ZMYM1: variants seen among roughly 807,000 people sequenced by gnomAD.
ZMYM1 encodes the protein zinc finger MYM-type containing 1, also known as zinc finger MYM-type protein 1.
Under a neutral mutation model 60.0 loss-of-function variants are expected in ZMYM1, and 39 were observed. The ratio of observed to expected loss-of-function variants is 0.65; its 90% CI spans 0.50 to 0.85. The LOEUF (loss-of-function observed/expected upper bound fraction) is 0.85, where lower values mean the gene tolerates loss of function less well. ZMYM1 is among the 40% of genes least tolerant of loss of function. The probability of loss-of-function intolerance (pLI) is 0.00; values close to 1 mark genes in which losing one functional copy is unlikely to be tolerated. For missense variants in ZMYM1, 1,171 were observed against 1,309.5 expected (o/e 0.89, Z 1.63); for synonymous variants, 413 against 454.0 (o/e 0.91, Z 1.15).
At chr1:35,118,645 T>G (rs1441243299), downstream of ZMYM1, among the ~76,000 whole-genome samples, 1 of 151,954 alleles carries the variant, frequency 6.6e-6, no homozygotes, top group Admixed American at 6.6e-5. Context: ...AGGCGGAGCT[T>G]GCAGTGAGCC....
chr1:35,101,771 G>C (rs915753512), intron 4 of ZMYM1, among the ~76,000 whole-genome samples: 1 of 150,956 alleles, frequency 6.6e-6, no homozygotes, highest in African/African-American at 2.4e-5. Flanking sequence ...GGCTAGTCTC[G>C]AACTCCTGAC....
rs775765175 is a variant in ZMYM1 at position 35,114,726 on chromosome 1, A to G, written c.2896A>G (p.Asn966Asp). 5 of 1,572,134 alleles carry G rather than the reference A, an allele frequency of 3.2e-6. No homozygotes were observed. In the African/African-American group the frequency reaches 4.1e-5, roughly 13 times the overall value. ...TTCAACAGAAGAACAATATAAAATT[A>G]ATATCTATTACCAAGGATTAGATAC... The part of the protein sequence containing the change: ...PTSTEEQYKI[N>D]IYYQGLDTIL... The change falls in exon 10 of 10, where the codon AAT becomes GAT. Residue 966 changes from asparagine to aspartate, a missense_variant. Physicochemically the swap from Asn to Asp is conservative, Grantham distance 23. Coordinates refer to ENST00000359858, the MANE Select transcript of ZMYM1 (RefSeq NM_024772.5).
intron 7 of ZMYM1, among the ~76,000 whole-genome samples, chr1:35,110,749 G>T (rs1644060741): frequency 6.6e-6 from 1 of 151,952 alleles, no homozygotes; most frequent in African/African-American, 2.4e-5. Flanking sequence ...TGGGCAACAT[G>T]TTGAAACCCC....
At chr1:35,085,398 G>A (rs1013794031) in intron 1 of ZMYM1, among the ~76,000 whole-genome samples, 15 of 152,176 alleles carry the variant, frequency 9.9e-5, no homozygotes, top group African/African-American at 3.6e-4. Flanking sequence ...AGCTCAGTTG[G>A]TTTCCAAACT....
intron 4 of ZMYM1, among the ~76,000 whole-genome samples, chr1:35,102,192 C>T (rs893971668): frequency 6.6e-6 from 1 of 150,950 alleles, no homozygotes; most frequent in Admixed American, 6.6e-5. Context: ...CCTTTTAGAT[C>T]GTTGTGGGTG....
At chr1:35,071,983 T>C (rs963669648) in intron 1 of ZMYM1, among the ~76,000 whole-genome samples, 1 of 151,992 alleles carries the variant, frequency 6.6e-6, no homozygotes, top group Non-Finnish European at 1.5e-5. Flanking sequence ...ACTAAAACTA[T>C]CAAATAAGCC....
chr1:35,112,008 A>G, intron 8 of ZMYM1, 79 bp from the exon 9 acceptor site: 1 of 1,551,368 alleles, frequency 6.4e-7, no homozygotes, highest in South Asian at 1.2e-5. Flanking sequence ...TTCTTATATG[A>G]AATAAGCAAA....
chr1:35,085,863 A>G (rs1642625994), intron 1 of ZMYM1, among the ~76,000 whole-genome samples: 1 of 152,220 alleles, frequency 6.6e-6, no homozygotes, highest in Non-Finnish European at 1.5e-5. Flanking sequence ...GTCCTTGCTA[A>G]GAGTATGAAT....
chr1:35,116,988 C>T (rs1383413600), downstream of ZMYM1, among the ~76,000 whole-genome samples: 11 of 150,278 alleles, frequency 7.3e-5, no homozygotes, highest in East Asian at 2.0e-4. Context: ...GGACTACAGG[C>T]GCCCGCCACT....
At chr1:35,102,546 A>G (rs577547196) in intron 4 of ZMYM1, among the ~76,000 whole-genome samples, 2 of 152,326 alleles carry the variant, frequency 1.3e-5, no homozygotes, top group African/African-American at 4.8e-5. Context: ...CCAAAATTCT[A>G]ATTATCACTT....
At chr1:35,106,275 A>AT (rs929396499) in intron 6 of ZMYM1, among the ~76,000 whole-genome samples, 1 of 152,056 alleles carries the variant, frequency 6.6e-6, no homozygotes, top group African/African-American at 2.4e-5. Flanking sequence ...TTCATATCAT[A>AT]TTTTGAGACC....
chr1:35,100,524 A>AG (rs1403146136), intron 4 of ZMYM1, among the ~76,000 whole-genome samples: 1 of 151,680 alleles, frequency 6.6e-6, no homozygotes, highest in Admixed American at 6.6e-5. Flanking sequence ...CCAGTGACTG[A>AG]GGCAGGAGAA....
Position 35,095,827 on chromosome 1 carries a change from T to A in ZMYM1, c.105T>A (p.Cys35Ter). ...KTEPDNAQEY[C>*]HRQQSRTQEN... Reference sequence around the variant, plus strand: ...TTTTTTTTTCTTTTTAGGAGTATTGTCATAGGCAACAGTCCAGAACTCAGG... The same window carrying A: ...TTTTTTTTTCTTTTTAGGAGTATTGACATAGGCAACAGTCCAGAACTCAGG... The change falls in exon 3 of 10, where the codon TGT (cysteine) becomes TGA (stop). Residue 35 changes from cysteine to a stop codon, truncating the protein, a stop_gained. Transcript: ENST00000359858. LOFTEE classifies it high-confidence loss of function. The A allele has an allele frequency of 1.2e-6, 2 of 1,600,910 alleles. No homozygotes were observed. The highest frequency in any genetic ancestry group is 1.7e-6 in the Non-Finnish European group (2 of 1,174,080).
intron 1 of ZMYM1, among the ~76,000 whole-genome samples, chr1:35,092,111 A>T (rs979760467): frequency 6.6e-6 from 1 of 152,022 alleles, no homozygotes; most frequent in African/African-American, 2.4e-5. Flanking sequence ...TTTTTAGTAG[A>T]GACAGGGTTT....
rs61736097 is a variant in ZMYM1, at chr1:35,114,805, A to G, written c.2975A>G (p.Lys992Arg). The G allele has an allele frequency of 3.1e-3, 5,058 of 1,606,556 alleles. 128 individuals carry two copies. The African/African-American group carries it at 0.056, about 18-fold the overall frequency. ...TCGGAGTTTGATTATTGCAAAATAAAGCAAATTTCAGAACTGTTATTTAAA... is the reference window on the plus strand; with the variant it reads ...TCGGAGTTTGATTATTGCAAAATAAGGCAAATTTCAGAACTGTTATTTAAA... ...CFSEFDYCKIKQISELLFKWN... is the reference protein window; with the variant it reads ...CFSEFDYCKIRQISELLFKWN... Residue 992 changes from lysine to arginine, a missense_variant, in exon 10 of 10, where the codon AAG becomes AGG. Coordinates refer to ENST00000359858, the MANE Select transcript of ZMYM1 (RefSeq NM_024772.5).
rs139252805 is a variant in ZMYM1 at position 35,115,785 on chromosome 1, T to C, written c.*526T>C. 6.6e-6 allele frequency: 1 copy of C among 152,498 alleles called. No homozygotes were observed. Among genetic ancestry groups the C allele is most frequent in the East Asian group, 1.9e-4 (1 of 5,192 alleles). The allele number at this position is 152,498 out of a possible 1,614,324, so 9.4% of individuals were successfully genotyped here. A position where few individuals can be genotyped will look rare whatever the true frequency, so the allele number is the denominator to read the frequency against. On this transcript the variant is annotated 3_prime_UTR_variant, in exon 10 of 10. Transcript: ENST00000359858. ...ATAGATATTGGCAAGTTGCCATCTATAAGGATTGTGCCAGTTTACAGTCCC... is the reference window on the plus strand; with the variant it reads ...ATAGATATTGGCAAGTTGCCATCTACAAGGATTGTGCCAGTTTACAGTCCC...
At chr1:35,100,192 G>A (rs1643568294) in intron 4 of ZMYM1, among the ~76,000 whole-genome samples, 2 of 152,040 alleles carry the variant, frequency 1.3e-5, no homozygotes. Context: ...CGCCCTGCCT[G>A]ATTTTTAGTT....
chr1:35,074,309 A>C (rs1642127374), intron 1 of ZMYM1, among the ~76,000 whole-genome samples: 1 of 152,192 alleles, frequency 6.6e-6, no homozygotes, highest in Non-Finnish European at 1.5e-5. Context: ...GATAATGCTC[A>C]GTTGAGAAGA....
intron 1 of ZMYM1, among the ~76,000 whole-genome samples, chr1:35,085,929 A>G (rs1642629280): frequency 6.6e-6 from 1 of 152,238 alleles, no homozygotes; most frequent in Admixed American, 6.5e-5. Flanking sequence ...AAGCTAACAC[A>G]TCGTGGAATA....
Sources: gnomAD v4.1 joint callset for allele counts (sites outside exome capture counted in the v4.1 genomes callset) on GRCh38, gnomAD v4.1.1 for gene constraint, MANE v1.5 for transcripts, NCBI Gene and HGNC (gene_info 2026-07-23, HGNC 2026-07-21) for gene names.